The following UTRN variants were observed in gnomAD, a reference collection of about 807,000 sequenced individuals.
UTRN encodes the protein dystrophin-related protein 1.
In UTRN, 283 loss-of-function variants were observed where a neutral mutation model predicts 463.9. The observed-to-expected ratio is 0.61, with a 90% confidence interval of 0.55 to 0.67. UTRN has a LOEUF of 0.67. Ranked by LOEUF, UTRN falls within the 30% of genes least tolerant of loss-of-function variation. The pLI is 0.00. For missense variants in UTRN, 3,922 were observed against 4,084.3 expected, an observed-to-expected ratio of 0.96 and a Z score of 1.08; for synonymous variants, 1,442 against 1,431.5, an observed-to-expected ratio of 1.01 and a Z score of -0.17.
chr6:144,469,064 C>T (rs1240876615), intron 23 of UTRN, among the ~76,000 whole-genome samples: 1 of 151,956 alleles, frequency 6.6e-6, no homozygotes, highest in Non-Finnish European at 1.5e-5. Flanking sequence ...ATGGGCCTTT[C>T]CTTCTGTACC....
chr6:144,806,259 A>C (rs535896617), intron 65 of UTRN, among the ~76,000 whole-genome samples: 1 of 152,304 alleles, frequency 6.6e-6, no homozygotes, highest in South Asian at 2.1e-4. Context: ...ATTTTAAATG[A>C]AATCTGTAAG....
chr6:144,590,843 TACACACAC>T lies in UTRN; in HGVS notation c.7479+13580_7479+13587del, dbSNP rs10531216. On this transcript the variant is annotated intron_variant, in intron 51 of 74. Coordinates refer to ENST00000367545, the MANE Select transcript of UTRN (RefSeq NM_007124.3). ...ATTAGTCTCTCTCTCTCTCTCAATC[TACACACAC>T]ACACACACACACACACACACACACG... is the stretch of plus-strand genomic sequence containing the variant. Among the ~76,000 whole-genome samples, 195 of 146,008 alleles carry T rather than the reference TACACACAC, an allele frequency of 1.3e-3. 1 individual carries two copies. Among genetic ancestry groups the T allele is most frequent in the South Asian group, 4.4e-3 (20 of 4,518 alleles).
At chr6:144,313,876 A>ATTT (rs1741577158) in intron 2 of UTRN, among the ~76,000 whole-genome samples, 1 of 152,114 alleles carries the variant, frequency 6.6e-6, no homozygotes, top group Admixed American at 6.6e-5. Context: ...CTACAAAGAG[A>ATTT]ATGTTACATT....
intron 51 of UTRN, among the ~76,000 whole-genome samples, chr6:144,603,364 CAA>C (rs2128637777): frequency 6.6e-6 from 1 of 152,234 alleles, no homozygotes; most frequent in South Asian, 2.1e-4. Context: ...AAGGCTGTCC[CAA>C]TGTCTACTCC....
chr6:144,452,636 T>C (rs1263342773), intron 18 of UTRN, among the ~76,000 whole-genome samples: 1 of 152,012 alleles, frequency 6.6e-6, no homozygotes, highest in Middle Eastern at 3.2e-3. Flanking sequence ...TTAGGAGCCA[T>C]TCCTCAACAT....
At chr6:144,569,611 CTT>C (rs1800749190) in intron 50 of UTRN, among the ~76,000 whole-genome samples, 1 of 152,062 alleles carries the variant, frequency 6.6e-6, no homozygotes, top group African/African-American at 2.4e-5. Context: ...TCAATAAATA[CTT>C]GTTGAGTTTC....
rs528109318 is a variant in UTRN at position 144,375,741 on chromosome 6, C to T, written c.80-27382C>T. ...CTCGTTGGTGGAATCTAGCCTTGCC[C>T]TGCCAGGCGGCTGCCTGGGTGTTGC... On this transcript the variant is annotated intron_variant, in intron 2 of 74. Transcript: ENST00000367545. Among the ~76,000 whole-genome samples, 21 of 152,274 alleles carry T rather than the reference C, an allele frequency of 1.4e-4. No individual in the cohort carries two copies. In the South Asian group the frequency reaches 3.9e-3, roughly 29 times the overall value.
intron 2 of UTRN, among the ~76,000 whole-genome samples, chr6:144,334,359 G>A (rs1484825652): frequency 6.6e-6 from 1 of 152,022 alleles, no homozygotes; most frequent in Non-Finnish European, 1.5e-5. Flanking sequence ...CAGCAGATTA[G>A]TAGCTTCTGT....
Position 144,754,793 on chromosome 6 carries a change from T to C in UTRN, c.8429T>C (p.Leu2810Pro), listed in dbSNP as rs763549705. 3.7e-6 allele frequency: 6 copies of C among 1,613,360 alleles called. No individual in the cohort carries two copies. The highest frequency in any genetic ancestry group is 5.1e-6 in the Non-Finnish European group (6 of 1,179,676). The stretch of plus-strand genomic sequence containing the variant: ...TTTGGACCATCCTCTCAGCATTTTC[T>C]CTCTAGTAAGTACTAATAAACTGGA... ...RDFGPSSQHF[L>P]STSVQLPWQR... Residue 2810 changes from leucine (L) to proline (P), a missense_variant, in exon 57 of 75, where the codon CTC becomes CCC. Leu to Pro is a moderately conservative substitution (Grantham distance 98). Coordinates refer to ENST00000367545, the MANE Select transcript of UTRN (RefSeq NM_007124.3).
chr6:144,506,394 G>A (rs1324520917), intron 34 of UTRN, among the ~76,000 whole-genome samples: 1 of 152,166 alleles, frequency 6.6e-6, no homozygotes, highest in Non-Finnish European at 1.5e-5. Context: ...TGCAGTGGCT[G>A]GAACTGGTTT....
chr6:144,719,241 A>G (rs2128707780), intron 53 of UTRN, among the ~76,000 whole-genome samples: 1 of 152,302 alleles, frequency 6.6e-6, no homozygotes, highest in South Asian at 2.1e-4. Flanking sequence ...TCCAAAAGAT[A>G]TACTGAGTGC....
intron 41 of UTRN, among the ~76,000 whole-genome samples, chr6:144,530,101 C>T (rs982149222): frequency 7.4e-4 from 113 of 152,302 alleles, no homozygotes; most frequent in African/African-American, 2.5e-3. Context: ...AGTCATTACC[C>T]GAAGTACATT....
chr6:144,592,470 A>T (rs981199758), intron 51 of UTRN, among the ~76,000 whole-genome samples: 1 of 152,098 alleles, frequency 6.6e-6, no homozygotes, highest in African/African-American at 2.4e-5. Context: ...TCCCAGGTTC[A>T]AGTGATTCTC....
chr6:144,460,150 CTT>C (rs1789267647), intron 21 of UTRN, among the ~76,000 whole-genome samples: 1 of 151,916 alleles, frequency 6.6e-6, no homozygotes, highest in Non-Finnish European at 1.5e-5. Context: ...CTCATACTGT[CTT>C]TTAAAAGAAA....
At chr6:144,822,346 C>T (rs1027021612) in intron 66 of UTRN, among the ~76,000 whole-genome samples, 1 of 151,896 alleles carries the variant, frequency 6.6e-6, no homozygotes, top group South Asian at 2.1e-4. Flanking sequence ...TAGGTAATGT[C>T]GTGTGTGTGT....
chr6:144,760,323 GATATA>G, intron 58 of UTRN, among the ~76,000 whole-genome samples: 1 of 152,072 alleles, frequency 6.6e-6, no homozygotes, highest in Admixed American at 6.6e-5. Context: ...CTGGAAAATA[GATATA>G]ATATAATGAT....
chr6:144,479,759 A>G lies in UTRN; in HGVS notation c.3337-53A>G, dbSNP rs1791652827. ...TTTAAATATTAAGAGCTAAAACTTGACATTGAACACATTAACATTTGTTTA... is the reference window on the plus strand; with the variant it reads ...TTTAAATATTAAGAGCTAAAACTTGGCATTGAACACATTAACATTTGTTTA... On this transcript the variant is annotated intron_variant, in intron 25 of 74. Coordinates refer to ENST00000367545, the MANE Select transcript of UTRN (RefSeq NM_007124.3). The G allele has an allele frequency of 1.9e-6, 3 of 1,561,134 alleles. No individual in the cohort carries two copies. In the South Asian group the frequency reaches 3.7e-5, roughly 19 times the overall value.
chr6:144,588,852 G>A (rs1802730748), intron 51 of UTRN, among the ~76,000 whole-genome samples: 1 of 152,264 alleles, frequency 6.6e-6, no homozygotes. Context: ...AGAGATAAAA[G>A]AATGTAGAAA....
intron 45 of UTRN, among the ~76,000 whole-genome samples, chr6:144,541,546 A>G (rs1318955840): frequency 6.6e-6 from 1 of 152,238 alleles, no homozygotes; most frequent in Non-Finnish European, 1.5e-5. Context: ...ATCTCAACAA[A>G]CATAATTTGG....
Sources: allele counts gnomAD v4.1 joint callset (sites outside exome capture counted in the v4.1 genomes callset), GRCh38; gene constraint gnomAD v4.1.1; transcripts MANE v1.5; gene names NCBI Gene and HGNC (gene_info 2026-07-23, HGNC 2026-07-21).